The following MGST2 variants were observed in gnomAD, a reference collection of about 807,000 sequenced individuals.
MGST2 encodes microsomal glutathione S-transferase 2.
Under a neutral mutation model 16.6 loss-of-function variants are expected in MGST2, and 9 were observed. The observed-to-expected ratio is 0.54, with a 90% confidence interval of 0.33 to 0.95. The LOEUF is 0.95. MGST2 is among the 40% of genes least tolerant of loss of function. MGST2 has a pLI of 0.03. For missense variants in MGST2, 159 were observed against 175.1 expected, an observed-to-expected ratio of 0.91 and a Z score of 0.52; for synonymous variants, 79 against 68.0, an observed-to-expected ratio of 1.16 and a Z score of -0.79.
chr4:139,703,328 T>C lies in MGST2; in HGVS notation c.230-127T>C, dbSNP rs994332858. ...GTTTCCTTCCTATGTGGATTCTCTC[T>C]ATATTCTGAATATAAGTATCTTGTC... On this transcript the variant is annotated intron_variant, in intron 3 of 4. Transcript: ENST00000265498. 3.7e-6 allele frequency: 3 copies of C among 801,892 alleles called. No homozygotes were observed. In the Admixed American group the frequency reaches 6.1e-5, roughly 16 times the overall value. 49.7% of individuals were successfully genotyped at this position (801,892 alleles called of 1,614,324 possible).
chr4:139,732,382 C>A (rs1418935730), intron 5 of MGST2, among the ~76,000 whole-genome samples: 1 of 152,082 alleles, frequency 6.6e-6, no homozygotes, highest in Non-Finnish European at 1.5e-5. Flanking sequence ...TGACTGACTT[C>A]AACTGCATCT....
intron 5 of MGST2, among the ~76,000 whole-genome samples, chr4:139,729,799 C>A (rs1169965681): frequency 6.6e-6 from 1 of 152,146 alleles, no homozygotes; most frequent in African/African-American, 2.4e-5. Flanking sequence ...TAAGGTAAAG[C>A]TGTATTTGTG....
downstream of MGST2, among the ~76,000 whole-genome samples, chr4:139,706,965 T>A (rs1362438715): frequency 6.6e-6 from 1 of 152,212 alleles, no homozygotes; most frequent in Non-Finnish European, 1.5e-5. Context: ...GAAATCAGAT[T>A]CATTGCCTTA....
chr4:139,732,606 T>C (rs1489836134), intron 5 of MGST2, among the ~76,000 whole-genome samples: 1 of 151,486 alleles, frequency 6.6e-6, no homozygotes, highest in Non-Finnish European at 1.5e-5. Context: ...AGATAGCTTG[T>C]CTTTACTTTT....
intron 5 of MGST2, chr4:139,716,621 TAAATA>T (rs1276777643): frequency 6.6e-6 from 1 of 152,616 alleles, no homozygotes; most frequent in Non-Finnish European, 1.5e-5. Flanking sequence ...TCTCTCCCAT[TAAATA>T]AATGTTTAAA....
At chr4:139,693,738 G>A (rs1726754792) in intron 2 of MGST2, among the ~76,000 whole-genome samples, 1 of 152,234 alleles carries the variant, frequency 6.6e-6, no homozygotes, top group Non-Finnish European at 1.5e-5. Flanking sequence ...GTTTGCAAGA[G>A]TATCAGTGTT....
At chr4:139,730,325 AT>A in intron 5 of MGST2, 3 of 1,125,328 alleles carry the variant, frequency 2.7e-6, no homozygotes, top group Non-Finnish European at 3.9e-6. Context: ...TTGATGGAGG[AT>A]GTGAACTGCC....
chr4:139,719,330 T>C, intron 5 of MGST2: 1 of 1,585,688 alleles, frequency 6.3e-7, no homozygotes. Flanking sequence ...TGATTAGGGG[T>C]TACCAAACAA....
At chr4:139,733,505 T>A (rs1728806629) in intron 5 of MGST2, among the ~76,000 whole-genome samples, 1 of 150,762 alleles carries the variant, frequency 6.6e-6, no homozygotes, top group African/African-American at 2.4e-5. Context: ...ATCAAACCAC[T>A]TTTTGCCCGT....
intron 2 of MGST2, among the ~76,000 whole-genome samples, chr4:139,690,042 A>G (rs756067094): frequency 5.9e-5 from 9 of 151,704 alleles, no homozygotes; most frequent in Non-Finnish European, 1.0e-4. Flanking sequence ...CCCAGGCTGG[A>G]GTGCAGTGGT....
chr4:139,732,309 G>A (rs531885791), intron 5 of MGST2, among the ~76,000 whole-genome samples: 14 of 152,244 alleles, frequency 9.2e-5, no homozygotes, highest in African/African-American at 2.9e-4. Context: ...TATGGCTTGG[G>A]CTTGTGTTCC....
intron 5 of MGST2, chr4:139,725,620 C>T (rs1204748692): frequency 1.1e-6 from 1 of 891,532 alleles, no homozygotes; most frequent in Non-Finnish European, 1.8e-6. Flanking sequence ...TACTCTTAAC[C>T]TACCAGTAGT....
At chr4:139,741,080 C>T (rs146302628), downstream of MGST2, among the ~76,000 whole-genome samples, 313 of 152,314 alleles carry the variant, frequency 2.1e-3, 1 homozygote, top group African/African-American at 7.1e-3. Flanking sequence ...TCCCCACCCT[C>T]GGCCCCCATT....
intron 5 of MGST2, among the ~76,000 whole-genome samples, chr4:139,710,547 C>T (rs950759153): frequency 3.3e-4 from 50 of 152,246 alleles, no homozygotes; most frequent in African/African-American, 1.0e-3. Context: ...CTGTGCCCTC[C>T]CTCCACCCCG....
rs774656439 is a variant in MGST2, at chr4:139,703,507, C to T, written c.282C>T (p.Phe94=). ...ACATATATGGCCGTCACCTATACTT[C>T]TGGGGATATTCAGAAGCTGCTAAAA... The part of the protein sequence containing the change: ...LVYIYGRHLY[F]WGYSEAAKKR... The change falls in exon 4 of 5, where the codon TTC becomes TTT. Residue 94 remains phenylalanine (F), a synonymous_variant. Transcript: ENST00000265498. The T allele has an allele frequency of 6.8e-6, 11 of 1,613,646 alleles. No individual in the cohort carries two copies. The African/African-American group carries it at 1.5e-4, about 22-fold the overall frequency.
chr4:139,709,081 T>A (rs1189941246), downstream of MGST2, among the ~76,000 whole-genome samples: 79 of 125,814 alleles, frequency 6.3e-4, 6 homozygotes, highest in African/African-American at 1.4e-3. Context: ...ATTTTTTTTT[T>A]TTTTTTTTTT....
chr4:139,719,799 G>C, intron 5 of MGST2: 2 of 1,613,548 alleles, frequency 1.2e-6, no homozygotes, highest in Non-Finnish European at 1.7e-6. Context: ...TTGTTGAATG[G>C]TCCCAATTCT....
At chr4:139,666,744 C>T (rs541038316) in intron 1 of MGST2, among the ~76,000 whole-genome samples, 30 of 152,096 alleles carry the variant, frequency 2.0e-4, no homozygotes, top group Non-Finnish European at 4.0e-4. Context: ...GAAAGGGGTC[C>T]GAGTGCAAGA....
intron 2 of MGST2, among the ~76,000 whole-genome samples, chr4:139,692,352 C>T (rs753767882): frequency 6.6e-6 from 1 of 152,224 alleles, no homozygotes; most frequent in Non-Finnish European, 1.5e-5. Context: ...CCCATCTTCC[C>T]AATTCCTTCT....
Sources: allele counts gnomAD v4.1 joint callset (sites outside exome capture counted in the v4.1 genomes callset), GRCh38; gene constraint gnomAD v4.1.1; transcripts MANE v1.5; gene names NCBI Gene and HGNC (gene_info 2026-07-23, HGNC 2026-07-21).